PKN2: variants seen among roughly 807,000 people sequenced by gnomAD.
PKN2 encodes protein kinase N2, also known as serine/threonine-protein kinase N2.
In PKN2, 38 loss-of-function variants were observed where a neutral mutation model predicts 119.1. The ratio of observed to expected loss-of-function variants is 0.32; its 90% CI spans 0.25 to 0.42. The LOEUF (loss-of-function observed/expected upper bound fraction) is 0.42, where lower values mean the gene tolerates loss of function less well. Ranked by LOEUF, PKN2 falls within the 10% of genes least tolerant of loss-of-function variation. The pLI is 1.00. For synonymous variants in PKN2, 390 were observed against 384.9 expected, an observed-to-expected ratio of 1.01 and a Z score of -0.15; for missense variants, 850 against 1,165.1, an observed-to-expected ratio of 0.73 and a Z score of 3.94.
chr1:88,729,900 A>G (rs1668067559), intron 1 of PKN2, among the ~76,000 whole-genome samples: 1 of 152,054 alleles, frequency 6.6e-6, no homozygotes, highest in Admixed American at 6.6e-5. Context: ...CATTTCATTC[A>G]AAGTAAAAAC....
intron 8 of PKN2, among the ~76,000 whole-genome samples, chr1:88,803,280 T>C (rs1464858754): frequency 6.6e-6 from 1 of 152,216 alleles, no homozygotes; most frequent in Non-Finnish European, 1.5e-5. Flanking sequence ...TATAAGTGTT[T>C]TTCGTGTTCA....
chr1:88,821,778 A>G (rs1221944817), intron 16 of PKN2, among the ~76,000 whole-genome samples, 163 bp from the exon 17 acceptor site: 1 of 152,172 alleles, frequency 6.6e-6, no homozygotes, highest in African/African-American at 2.4e-5. Context: ...CTCATTTTTA[A>G]ATTTTACCCC....
At position 88,771,402 on chromosome 1, in the gene PKN2, ATT is replaced by A; in HGVS notation, c.623-11_623-10del. 1 of 1,550,894 alleles carries A rather than the reference ATT, an allele frequency of 6.4e-7. No individual in the cohort carries two copies. The highest frequency in any genetic ancestry group is 8.7e-7 in the Non-Finnish European group (1 of 1,150,896). On this transcript the variant is annotated splice_polypyrimidine_tract_variant and intron_variant, in intron 4 of 21. Transcript: ENST00000370521. ...AAGTCAGATAAATGGTGCAATTAAA[ATT>A]TTTTTTTCCTTTCTAGCAAAACCTG... is the stretch of plus-strand genomic sequence containing the variant.
At chr1:88,771,378 AG>A (rs745940122) in intron 4 of PKN2, 42 bp from the exon 5 acceptor site, 2 of 1,494,960 alleles carry the variant, frequency 1.3e-6, no homozygotes, top group Non-Finnish European at 1.8e-6. Context: ...CAAATTGGAA[AG>A]TCAGATAAAT....
In PKN2 at chr1:88,827,611, CCCCTTCCCTTCCCTT is replaced by C. The variant is rs147919849; in HGVS notation, c.2420-855_2420-841del. Among the ~76,000 whole-genome samples the C allele has an allele frequency of 6.1e-3, 782 of 128,844 alleles. 9 individuals are homozygous for C. Among genetic ancestry groups the C allele is most frequent in the African/African-American group, 0.023 (747 of 32,526 alleles). 84.5% of individuals were successfully genotyped at this position (128,844 alleles called of 152,430 possible). The stretch of plus-strand genomic sequence containing the variant: ...GTTCAACCTGTACTCTCCCTTCCCT[CCCCTTCCCTTCCCTT>C]CCCTTCCCTTCCCTCCCCTCTTCTC... On this transcript the variant is annotated intron_variant, in intron 18 of 21. Transcript: ENST00000370521.
intron 1 of PKN2, among the ~76,000 whole-genome samples, chr1:88,721,742 A>G (rs1400101207): frequency 3.3e-5 from 5 of 152,214 alleles, no homozygotes; most frequent in Non-Finnish European, 5.9e-5. Context: ...TAGTAGGCTC[A>G]CAAGAAATAG....
intron 1 of PKN2, among the ~76,000 whole-genome samples, chr1:88,717,589 A>G (rs1298459905): frequency 1.3e-5 from 2 of 151,774 alleles, no homozygotes; most frequent in South Asian, 2.1e-4. Flanking sequence ...CGAATCGGCT[A>G]CTGAAGCTTG....
rs183027506 is a variant in PKN2, at chr1:88,766,387, T to C, written c.505-3965T>C. Among the ~76,000 whole-genome samples the C allele has an allele frequency of 8.9e-4, 135 of 152,320 alleles. 1 individual carries two copies. The highest frequency in any genetic ancestry group is 1.0e-4 in the Non-Finnish European group (7 of 68,028). ...CAATGATTGGCTTATTTGAAAGTTT[T>C]CTGTGTGATGTAATGTGTTGTAATG... is the stretch of plus-strand genomic sequence containing the variant. On this transcript the variant is annotated intron_variant, in intron 3 of 21. Coordinates refer to ENST00000370521, the MANE Select transcript of PKN2 (RefSeq NM_006256.4).
Position 88,824,293 on chromosome 1 carries a change from C to G in PKN2, c.2343-17C>G, listed in dbSNP as rs779459395. The G allele has an allele frequency of 4.4e-6, 6 of 1,362,394 alleles. No individual in the cohort carries two copies. The highest frequency in any genetic ancestry group is 2.4e-5 in the East Asian group (1 of 42,072). The allele number at this position is 1,362,394 out of a possible 1,614,324, so 84.4% of individuals were successfully genotyped here. On this transcript the variant is annotated splice_polypyrimidine_tract_variant and intron_variant, in intron 17 of 21. Transcript: ENST00000370521. ...TTGATTTTTTTTTTTCATGCTGTAT[C>G]TTTTTATCCTGAACAGAGATTTGAA...
intron 1 of PKN2, among the ~76,000 whole-genome samples, chr1:88,705,201 C>T (rs1048251734): frequency 4.0e-5 from 6 of 151,744 alleles, no homozygotes; most frequent in Admixed American, 1.3e-4. Context: ...AGTTTATCAA[C>T]ATTTTTCTTT....
chr1:88,751,527 C>CTT (rs1668997814), intron 2 of PKN2, among the ~76,000 whole-genome samples: 2 of 152,126 alleles, frequency 1.3e-5, no homozygotes, highest in East Asian at 1.9e-4. Context: ...TCCAAAATAA[C>CTT]TTGTATAGTT....
At chr1:88,738,214 C>T (rs1003350309) in intron 1 of PKN2, among the ~76,000 whole-genome samples, 8 of 152,112 alleles carry the variant, frequency 5.3e-5, no homozygotes, top group African/African-American at 1.7e-4. Context: ...CAAGCATAAG[C>T]CCTGCCCTCA....
chr1:88,824,580 T>C (rs1672423549), intron 18 of PKN2, among the ~76,000 whole-genome samples, 194 bp downstream of exon 18: 1 of 152,206 alleles, frequency 6.6e-6, no homozygotes, highest in Non-Finnish European at 1.5e-5. Flanking sequence ...TGAATACAAA[T>C]AAGGTTAGAT....
At chr1:88,739,747 A>G (rs1668502431) in intron 1 of PKN2, among the ~76,000 whole-genome samples, 1 of 152,262 alleles carries the variant, frequency 6.6e-6, no homozygotes, top group African/African-American at 2.4e-5. Context: ...AGAAATAGCT[A>G]GAACATAACT....
intron 2 of PKN2, among the ~76,000 whole-genome samples, chr1:88,745,256 C>T (rs764149030): frequency 2.0e-5 from 3 of 152,056 alleles, no homozygotes; most frequent in Non-Finnish European, 4.4e-5. Flanking sequence ...ACTGTTAAGC[C>T]CTAGCTAGAG....
chr1:88,809,831 T>A (rs1671708086), intron 15 of PKN2, among the ~76,000 whole-genome samples: 1 of 152,142 alleles, frequency 6.6e-6, no homozygotes, highest in Admixed American at 6.6e-5. Flanking sequence ...TCCAGGCTGG[T>A]CTCAAACTCC....
intron 1 of PKN2, among the ~76,000 whole-genome samples, chr1:88,739,586 G>T (rs1288648019): frequency 2.0e-5 from 3 of 152,200 alleles, no homozygotes; most frequent in African/African-American, 7.2e-5. Context: ...CAAAAAGGCT[G>T]CACAGTGTGT....
chr1:88,807,859 T>C (rs554045778), intron 15 of PKN2, 84 bp downstream of exon 15: 2 of 751,336 alleles, frequency 2.7e-6, no homozygotes, highest in African/African-American at 1.8e-5. Context: ...AGCAAAACTT[T>C]ATGATTTTAC....
intron 1 of PKN2, among the ~76,000 whole-genome samples, chr1:88,729,717 C>T (rs1668055178): frequency 1.3e-5 from 2 of 152,174 alleles, no homozygotes; most frequent in Non-Finnish European, 1.5e-5. Context: ...GAAGACTACC[C>T]TCAGAGTCCA....
Sources: gnomAD v4.1 joint callset for allele counts (sites outside exome capture counted in the v4.1 genomes callset) on GRCh38, gnomAD v4.1.1 for gene constraint, MANE v1.5 for transcripts, NCBI Gene and HGNC (gene_info 2026-07-23, HGNC 2026-07-21) for gene names.